Variants in PLCB1 observed in about 807,000 individuals in gnomAD.
The protein encoded by PLCB1 is phospholipase C beta 1.
Under a neutral mutation model 161.8 loss-of-function variants are expected in PLCB1, and 46 were observed. The observed-to-expected ratio is 0.28, with a 90% CI of 0.22 to 0.36. The LOEUF (loss-of-function observed/expected upper bound fraction) is 0.36, where lower values mean the gene tolerates loss of function less well. Among genes scored for constraint, PLCB1 ranks in the 10% least tolerant of loss-of-function variants. The pLI, the probability that PLCB1 is intolerant of heterozygous loss-of-function variation, is 1.00. For missense variants in PLCB1, 1,016 were observed against 1,472.5 expected, an observed-to-expected ratio of 0.69 and a Z score of 5.07; for synonymous variants, 517 against 503.7, an observed-to-expected ratio of 1.03 and a Z score of -0.35.
chr20:8,726,484 C>T (rs1199918637), intron 16 of PLCB1, among the ~76,000 whole-genome samples: 2 of 152,028 alleles, frequency 1.3e-5, no homozygotes, highest in African/African-American at 2.4e-5. Context: ...TTCTGCATGG[C>T]TGGGGAGACC....
At chr20:8,496,719 AG>A in intron 3 of PLCB1, among the ~76,000 whole-genome samples, 1 of 152,326 alleles carries the variant, frequency 6.6e-6, no homozygotes, top group South Asian at 2.1e-4. Context: ...AGTAGAAATC[AG>A]TTCAAAGAAA....
chr20:8,539,399 C>A (rs1432877956), intron 3 of PLCB1, among the ~76,000 whole-genome samples: 2 of 152,152 alleles, frequency 1.3e-5, no homozygotes, highest in Admixed American at 1.3e-4. Flanking sequence ...CATATTCATT[C>A]ATTCAAGGAC....
intron 3 of PLCB1, among the ~76,000 whole-genome samples, chr20:8,449,102 G>A (rs1042634278): frequency 3.3e-5 from 5 of 152,172 alleles, no homozygotes; most frequent in Non-Finnish European, 7.3e-5. Flanking sequence ...TGGTGTTCAT[G>A]AGCATTGCCA....
At chr20:8,681,119 T>TATATATATATATAAAA (rs1485697576) in intron 9 of PLCB1, among the ~76,000 whole-genome samples, 3 of 82,090 alleles carry the variant, frequency 3.7e-5, no homozygotes, top group Non-Finnish European at 6.7e-5. Flanking sequence ...TATATATATA[T>TATATATATATATAAAA]AATATATATA....
At chr20:8,823,642 C>A (rs1985546262) in intron 31 of PLCB1, among the ~76,000 whole-genome samples, 1 of 152,176 alleles carries the variant, frequency 6.6e-6, no homozygotes, top group South Asian at 2.1e-4. Flanking sequence ...TTGAACAAGG[C>A]CATTCTGAAC....
rs767989292 is a variant in PLCB1, at chr20:8,788,710, G to A, written c.3266G>A (p.Ser1089Asn). 2 of 1,607,238 alleles carry A rather than the reference G, an allele frequency of 1.2e-6. No homozygotes were observed. The highest frequency in any genetic ancestry group is 1.7e-6 in the Non-Finnish European group (2 of 1,175,734). Residue 1089 changes from serine (S) to asparagine (N), a missense_variant, in exon 29 of 32, where the codon AGT becomes AAT. Around this residue, in one of 10 missense-constraint regions of PLCB1, gnomAD observed 398 missense variants for 445.4 expected, o/e 0.89. Coordinates refer to ENST00000338037, the MANE Select transcript of PLCB1 (RefSeq NM_015192.4). ...KITEAKSKDK[S>N]QMEEEKTEMI... ...ACAGAAGCTAAATCCAAAGACAAAA[G>A]TCAGATGGAAGAGTAAGTCAAAAGT...
At chr20:8,192,788 T>C (rs926275978) in intron 2 of PLCB1, among the ~76,000 whole-genome samples, 4 of 151,836 alleles carry the variant, frequency 2.6e-5, no homozygotes, top group Non-Finnish European at 5.9e-5. Flanking sequence ...AATAAAAATA[T>C]ATAACTGCAG....
At chr20:8,696,724 AAATTT>A (rs1157754920) in intron 10 of PLCB1, among the ~76,000 whole-genome samples, 1 of 151,936 alleles carries the variant, frequency 6.6e-6, no homozygotes, top group East Asian at 1.9e-4. Flanking sequence ...TGTTTAATTT[AAATTT>A]ATTTATTTAT....
intron 3 of PLCB1, among the ~76,000 whole-genome samples, chr20:8,616,100 A>G (rs564812457): frequency 6.6e-6 from 1 of 152,254 alleles, no homozygotes; most frequent in East Asian, 1.9e-4. Flanking sequence ...TTTGCCTCTT[A>G]CATATCTCTC....
intron 3 of PLCB1, among the ~76,000 whole-genome samples, chr20:8,603,294 A>G (rs1987652819): frequency 6.6e-6 from 1 of 152,210 alleles, no homozygotes; most frequent in Non-Finnish European, 1.5e-5. Context: ...TCTTTTATAT[A>G]CATCCCTCTA....
intron 2 of PLCB1, among the ~76,000 whole-genome samples, chr20:8,190,068 TA>T (rs1253159547): frequency 2.0e-5 from 3 of 152,104 alleles, no homozygotes; most frequent in Non-Finnish European, 4.4e-5. Flanking sequence ...CCCTGACATA[TA>T]AATATATGAG....
chr20:8,818,942 CA>C (rs59427171), intron 31 of PLCB1, among the ~76,000 whole-genome samples: 6,936 of 66,972 alleles, frequency 0.1, 337 homozygotes, highest in African/African-American at 0.22. Context: ...GACTCAGTCT[CA>C]AAAAAAAAAA....
intron 3 of PLCB1, among the ~76,000 whole-genome samples, chr20:8,612,647 G>A (rs1221115085): frequency 6.6e-6 from 1 of 152,102 alleles, no homozygotes; most frequent in Admixed American, 6.6e-5. Flanking sequence ...TACTGATTGA[G>A]CCACATGTAT....
At chr20:8,809,191 G>C (rs745919460) in intron 31 of PLCB1, among the ~76,000 whole-genome samples, 3 of 152,014 alleles carry the variant, frequency 2.0e-5, no homozygotes, top group Non-Finnish European at 4.4e-5. Flanking sequence ...TAGTTTTGTA[G>C]AGGTGGAGTT....
At chr20:8,314,357 G>T (rs1182896976) in intron 2 of PLCB1, among the ~76,000 whole-genome samples, 1 of 152,130 alleles carries the variant, frequency 6.6e-6, no homozygotes, top group East Asian at 1.9e-4. Context: ...AAATAGTAAT[G>T]ATATTCATTG....
intron 25 of PLCB1, among the ~76,000 whole-genome samples, 198 bp from the exon 26 acceptor site, chr20:8,764,941 G>A (rs1022005849): frequency 3.9e-5 from 6 of 152,212 alleles, no homozygotes; most frequent in African/African-American, 1.4e-4. Context: ...TTGGGTCTCT[G>A]AGAAGTTTAG....
At chr20:8,215,495 G>A (rs550132280) in intron 2 of PLCB1, among the ~76,000 whole-genome samples, 1 of 152,108 alleles carries the variant, frequency 6.6e-6, no homozygotes, top group East Asian at 1.9e-4. Context: ...TTGGAAGGTG[G>A]TGGGGGCCAG....
chr20:8,219,871 G>C (rs1755087681), intron 2 of PLCB1, among the ~76,000 whole-genome samples: 1 of 152,110 alleles, frequency 6.6e-6, no homozygotes, highest in African/African-American at 2.4e-5. Flanking sequence ...TTTATAAGTA[G>C]TACATGTGGC....
At chr20:8,477,895 A>G (rs1220890873) in intron 3 of PLCB1, among the ~76,000 whole-genome samples, 1 of 152,226 alleles carries the variant, frequency 6.6e-6, no homozygotes, top group Non-Finnish European at 1.5e-5. Context: ...TGGATGGGAC[A>G]CACATCCAAA....
Sources: allele counts gnomAD v4.1 joint callset (sites outside exome capture counted in the v4.1 genomes callset), GRCh38; gene constraint gnomAD v4.1.1; regional missense constraint gnomAD v4.1.1; transcripts MANE v1.5; gene names NCBI Gene and HGNC (gene_info 2026-07-23, HGNC 2026-07-21).